The following CCDC91 variants were observed in gnomAD, a reference collection of about 807,000 sequenced individuals.
CCDC91 encodes the protein coiled-coil domain-containing protein 91.
Under a neutral mutation model 63.2 loss-of-function variants are expected in CCDC91, and 48 were observed. The ratio of observed to expected loss-of-function variants is 0.76; its 90% CI spans 0.60 to 0.97. The LOEUF (loss-of-function observed/expected upper bound fraction) is 0.97. Among genes scored for constraint, CCDC91 ranks in the 50% least tolerant of loss-of-function variants. The pLI, the probability that CCDC91 is intolerant of heterozygous loss-of-function variation, is 0.00. For synonymous variants in CCDC91, 167 were observed against 165.8 expected, an observed-to-expected ratio of 1.01 and a Z score of -0.06; for missense variants, 500 against 494.6, an observed-to-expected ratio of 1.01 and a Z score of -0.10.
At chr12:28,313,701 C>G (rs1939553480) in intron 6 of CCDC91, among the ~76,000 whole-genome samples, 1 of 152,036 alleles carries the variant, frequency 6.6e-6, no homozygotes. Flanking sequence ...ACTGTGAACT[C>G]TATAGTACAA....
intron 3 of CCDC91, among the ~76,000 whole-genome samples, chr12:28,263,342 A>AAC: frequency 6.6e-6 from 1 of 151,990 alleles, no homozygotes; most frequent in Non-Finnish European, 1.5e-5. Flanking sequence ...GTATCCAGCA[A>AAC]ACAACTCCCC....
chr12:28,503,878 T>C (rs1210911570), intron 12 of CCDC91, among the ~76,000 whole-genome samples: 5 of 151,440 alleles, frequency 3.3e-5, no homozygotes, highest in African/African-American at 1.2e-4. Context: ...AGGTAGGAAT[T>C]GAACAATGAG....
chr12:28,517,415 T>C (rs1940072603), intron 12 of CCDC91, among the ~76,000 whole-genome samples: 1 of 151,874 alleles, frequency 6.6e-6, no homozygotes, highest in African/African-American at 2.4e-5. Flanking sequence ...CAGACTGACT[T>C]TTCTGTTTTG....
At chr12:28,206,246 T>C (rs1942841959) in intron 1 of CCDC91, among the ~76,000 whole-genome samples, 1 of 152,190 alleles carries the variant, frequency 6.6e-6, no homozygotes, top group Non-Finnish European at 1.5e-5. Context: ...AATTCCACCT[T>C]TTTGGTCAGG....
At chr12:28,244,702 C>T (rs1015983468) in intron 1 of CCDC91, among the ~76,000 whole-genome samples, 13 of 151,126 alleles carry the variant, frequency 8.6e-5, no homozygotes, top group East Asian at 1.9e-4. Context: ...AACTTACATA[C>T]GGCTTTTCCA....
intron 8 of CCDC91, among the ~76,000 whole-genome samples, chr12:28,405,297 T>TA (rs1400088920): frequency 6.6e-6 from 1 of 152,150 alleles, no homozygotes; most frequent in East Asian, 1.9e-4. Flanking sequence ...CTTACAATAC[T>TA]AAAGTATTCC....
intron 1 of CCDC91, among the ~76,000 whole-genome samples, chr12:28,214,345 C>T (rs1296426515): frequency 6.6e-6 from 1 of 151,956 alleles, no homozygotes; most frequent in African/African-American, 2.4e-5. Context: ...ATGTCTTGGT[C>T]AGTGGAAAAC....
rs759671344 is a variant in CCDC91 at position 28,305,764 on chromosome 12, T to C, written c.225T>C (p.His75=). ...DAIISSPENT[H]AANSIVSQTI... ...TTATTTCATCACCAGAGAATACACA[T>C]GCAGCAAATAGCATTGTGAGTCAAA... The change falls in exon 4 of 13, where the codon CAT becomes CAC. Residue 75 remains histidine, a synonymous_variant. Transcript: ENST00000536442. The C allele has an allele frequency of 6.2e-7, 1 of 1,613,072 alleles. No homozygotes were observed. Among genetic ancestry groups the C allele is most frequent in the Non-Finnish European group, 8.5e-7 (1 of 1,179,336 alleles).
intron 6 of CCDC91, among the ~76,000 whole-genome samples, chr12:28,336,127 A>G (rs1038666183): frequency 6.6e-5 from 10 of 152,056 alleles, no homozygotes; most frequent in Admixed American, 5.2e-4. Flanking sequence ...ATTTCTTAGT[A>G]ATAAATAGAA....
chr12:28,239,106 C>G (rs1945159389), intron 1 of CCDC91, among the ~76,000 whole-genome samples: 1 of 145,938 alleles, frequency 6.9e-6, no homozygotes. Context: ...GGTGACAGAG[C>G]GAGACTCTGT....
intron 1 of CCDC91, among the ~76,000 whole-genome samples, chr12:28,254,894 C>G (rs1462579903): frequency 6.6e-6 from 1 of 151,810 alleles, no homozygotes; most frequent in Non-Finnish European, 1.5e-5. Flanking sequence ...ACCTCAGCCC[C>G]ACAAGTAGCT....
intron 11 of CCDC91, among the ~76,000 whole-genome samples, chr12:28,464,906 C>T (rs1236769828): frequency 6.6e-6 from 1 of 152,128 alleles, no homozygotes; most frequent in South Asian, 2.1e-4. Context: ...AGTTCTAGGA[C>T]TTGGCTCTTG....
chr12:28,456,852 G>C (rs2140406245), intron 11 of CCDC91, among the ~76,000 whole-genome samples: 1 of 152,180 alleles, frequency 6.6e-6, no homozygotes, highest in South Asian at 2.1e-4. Flanking sequence ...GAGTTGTCAG[G>C]CCTGGAGATA....
chr12:28,548,572 C>G (rs1011647705), intron 12 of CCDC91, among the ~76,000 whole-genome samples: 1 of 152,036 alleles, frequency 6.6e-6, no homozygotes, highest in African/African-American at 2.4e-5. Flanking sequence ...CACCTGGCCT[C>G]AAATGTTTTT....
chr12:28,264,714 G>C (rs1204595217), intron 3 of CCDC91, among the ~76,000 whole-genome samples: 1 of 151,232 alleles, frequency 6.6e-6, no homozygotes, highest in Non-Finnish European at 1.5e-5. Context: ...CAATTTCTAA[G>C]AAGTTAGTCT....
chr12:28,254,447 G>A (rs1250947536), intron 1 of CCDC91, among the ~76,000 whole-genome samples: 1 of 152,138 alleles, frequency 6.6e-6, no homozygotes, highest in Non-Finnish European at 1.5e-5. Flanking sequence ...TGATAAGAAT[G>A]CACTTTAGAT....
intron 6 of CCDC91, among the ~76,000 whole-genome samples, chr12:28,356,962 T>C (rs1448844765): frequency 1.3e-5 from 2 of 152,210 alleles, no homozygotes; most frequent in South Asian, 2.1e-4. Context: ...TGCTGACTTT[T>C]AGCCATCCGT....
chr12:28,397,043 A>G (rs1179748620), intron 8 of CCDC91, among the ~76,000 whole-genome samples: 1 of 152,158 alleles, frequency 6.6e-6, no homozygotes, highest in Admixed American at 6.5e-5. Flanking sequence ...AAAATGAGAA[A>G]ATAATTCAAC....
rs546827599 is a variant in CCDC91, at chr12:28,376,353, G to A, written c.654+13838G>A. Among the ~76,000 whole-genome samples, 19 of 151,748 alleles carry A rather than the reference G, an allele frequency of 1.3e-4. No homozygotes were observed. In the South Asian group the frequency reaches 2.7e-3, roughly 22 times the overall value. ...TGAGAATTTTTTTCCATATAAGAAAGATGAAACAAACCCTAACAGAAACCA... is the reference window on the plus strand; with the variant it reads ...TGAGAATTTTTTTCCATATAAGAAAAATGAAACAAACCCTAACAGAAACCA... On this transcript the variant is annotated intron_variant, in intron 7 of 12. Transcript: ENST00000536442.
Sources: allele counts gnomAD v4.1 joint callset (sites outside exome capture counted in the v4.1 genomes callset), GRCh38; gene constraint gnomAD v4.1.1; transcripts MANE v1.5; gene names NCBI Gene and HGNC (gene_info 2026-07-23, HGNC 2026-07-21).